Variants in ERMARD observed in about 807,000 individuals in gnomAD.
The protein encoded by ERMARD is endoplasmic reticulum membrane-associated RNA degradation protein.
Under a neutral mutation model 83.9 loss-of-function variants are expected in ERMARD, and 71 were observed. The observed-to-expected ratio is 0.85, with a 90% CI of 0.70 to 1.03. ERMARD has a LOEUF of 1.03. Among genes scored for constraint, ERMARD ranks in the 50% least tolerant of loss-of-function variants. The probability of loss-of-function intolerance (pLI) is 0.00; values close to 1 mark genes in which losing one functional copy is unlikely to be tolerated. For synonymous variants in ERMARD, 284 were observed against 298.6 expected (o/e 0.95, Z 0.50); for missense variants, 838 against 810.9 (o/e 1.03, Z -0.41).
At chr6:169,753,093 A>G (rs974591718) in intron 1 of ERMARD, 2 of 152,408 alleles carry the variant, frequency 1.3e-5, no homozygotes, top group African/African-American at 4.8e-5. Flanking sequence ...TAGGCTTCAA[A>G]GGGCAGGAAA....
chr6:169,775,464 C>T, intron 14 of ERMARD, 118 bp downstream of exon 14: 2 of 1,142,306 alleles, frequency 1.8e-6, no homozygotes, highest in Non-Finnish European at 2.5e-6. Flanking sequence ...AATTTCTGGG[C>T]CTTGGTGGCT....
At chr6:169,764,081 C>T (rs184321689) in intron 9 of ERMARD, among the ~76,000 whole-genome samples, 90 of 152,334 alleles carry the variant, frequency 5.9e-4, no homozygotes, top group African/African-American at 1.9e-3. Flanking sequence ...CAACACCTCC[C>T]GTGTCCACTC....
In ERMARD at chr6:169,779,298, AAGTGTGTCAC is replaced by A. The variant is rs773052031; in HGVS notation, c.1853+7_1853+16del. 1 of 1,613,070 alleles carries A rather than the reference AAGTGTGTCAC, an allele frequency of 6.2e-7. No individual in the cohort carries two copies. Among genetic ancestry groups the A allele is most frequent in the Admixed American group, 1.7e-5 (1 of 60,028 alleles). On this transcript the variant is annotated splice_donor_5th_base_variant and intron_variant, in intron 17 of 17. Coordinates refer to ENST00000366773, the MANE Select transcript of ERMARD (RefSeq NM_018341.3). ...CATGAGTATCAGCAGTACCTAAAGT[AAGTGTGTCAC>A]AGTATGTCTGCAGTCACATTGCATC...
In ERMARD at chr6:169,768,125, A is replaced by G. The variant is rs1364697197; in HGVS notation, c.1013A>G (p.Asp338Gly). ...TAGATATTGGCAAAACACTTGAATG[A>G]TGGTAAAATCAATCAGCTTCCTCTT... ...FDQILAKHLN[D>G]GKINQLPLFL... is the part of the protein sequence containing the mutation. Residue 338 changes from aspartate (D) to glycine (G), a missense_variant, in exon 11 of 18, where the codon GAT becomes GGT. Coordinates refer to ENST00000366773, the MANE Select transcript of ERMARD (RefSeq NM_018341.3). 1.9e-6 allele frequency: 3 copies of G among 1,613,996 alleles called. No homozygotes were observed. The highest frequency in any genetic ancestry group is 2.5e-6 in the Non-Finnish European group (3 of 1,179,970).
chr6:169,756,549 C>A, intron 4 of ERMARD, 110 bp downstream of exon 4: 2 of 1,001,756 alleles, frequency 2.0e-6, no homozygotes, highest in South Asian at 3.3e-5. Flanking sequence ...AAGATAAAAT[C>A]ATTTAGTATG....
In ERMARD at chr6:169,779,266, G is replaced by A. The variant is rs1793938268; in HGVS notation, c.1824G>A (p.Lys608=). Residue 608 remains lysine (K), a synonymous_variant, in exon 17 of 18, where the codon AAG becomes AAA. Coordinates refer to ENST00000366773, the MANE Select transcript of ERMARD (RefSeq NM_018341.3). ...ELVNIHAVCG[K]NAHEYQQYLK... is the part of the protein sequence containing the mutation. ...TCAACATTCATGCTGTTTGTGGGAA[G>A]AATGCGCATGAGTATCAGCAGTACC... 1 of 1,614,118 alleles carries A rather than the reference G, an allele frequency of 6.2e-7. No homozygotes were observed. The highest frequency in any genetic ancestry group is 1.7e-5 in the Admixed American group (1 of 60,006).
chr6:169,756,058 A>G (rs766202761), intron 3 of ERMARD, among the ~76,000 whole-genome samples: 1 of 152,226 alleles, frequency 6.6e-6, no homozygotes, highest in Non-Finnish European at 1.5e-5. Context: ...AAGGAGAAAC[A>G]TGATGGAGGT....
At chr6:169,762,680 A>C (rs1437737758) in intron 9 of ERMARD, 149 bp downstream of exon 9, 2 of 626,764 alleles carry the variant, frequency 3.2e-6, no homozygotes, top group Non-Finnish European at 5.5e-6. Context: ...TCATTTCTAT[A>C]GGATTTATAT....
intron 17 of ERMARD, among the ~76,000 whole-genome samples, chr6:169,780,802 C>T (rs1327614836): frequency 6.6e-6 from 1 of 152,206 alleles, no homozygotes; most frequent in Non-Finnish European, 1.5e-5. Flanking sequence ...GGCTCTGCGT[C>T]TCTTGCAAAC....
rs753468195 is a variant in ERMARD at position 169,753,884 on chromosome 6, T to C, written c.27T>C (p.Ile9=). 6 of 1,597,816 alleles carry C rather than the reference T, an allele frequency of 3.8e-6. No individual in the cohort carries two copies. The Admixed American group carries it at 1.0e-4, about 28-fold the overall frequency. The change falls in exon 2 of 18, where the codon ATT becomes ATC. Residue 9 remains isoleucine (I), a synonymous_variant. Coordinates refer to ENST00000366773, the MANE Select transcript of ERMARD (RefSeq NM_018341.3). MEVLIGDP[I]TTCLSPSVYD... ...TTTAGGTATTAATAGGGGACCCTAT[T>C]ACCACATGTCTTTCTCCCTCAGTGT...
intron 10 of ERMARD, 22 bp from the exon 11 acceptor site, chr6:169,768,081 G>A: frequency 6.3e-7 from 1 of 1,592,506 alleles, no homozygotes; most frequent in Non-Finnish European, 8.6e-7. Flanking sequence ...GTTAACCAAT[G>A]TATTTATTTT....
At chr6:169,760,219 T>G (rs1404893242) in intron 7 of ERMARD, among the ~76,000 whole-genome samples, 1 of 152,194 alleles carries the variant, frequency 6.6e-6, no homozygotes, top group Non-Finnish European at 1.5e-5. Context: ...GAGCTCTTTC[T>G]TCCTCAGATG....
intron 5 of ERMARD, among the ~76,000 whole-genome samples, chr6:169,758,008 A>G (rs1585351177): frequency 6.6e-6 from 1 of 152,370 alleles, no homozygotes; most frequent in East Asian, 1.9e-4. Context: ...AGTGTGAACC[A>G]TGAGTATTTC....
At chr6:169,752,997 T>C (rs1032443028) in intron 1 of ERMARD, 1 of 152,314 alleles carries the variant, frequency 6.6e-6, no homozygotes. Flanking sequence ...TAACTTGAAA[T>C]GGTGGCTTAG....
rs534679190 is a variant in ERMARD, at chr6:169,751,811, G to C, written c.6+148G>C. On this transcript the variant is annotated intron_variant, in intron 1 of 17. Transcript: ENST00000366773. ...CGCTGGAGGGCGCTGGCGACGTCGC[G>C]GCCCTGGCCTCTGTGGCGGTATCGG... The C allele has an allele frequency of 3.4e-6, 4 of 1,193,890 alleles. No homozygotes were observed. In the African/African-American group the frequency reaches 4.9e-5, roughly 15 times the overall value. 74.0% of individuals were successfully genotyped at this position (1,193,890 alleles called of 1,614,324 possible). A position where few individuals can be genotyped will look rare whatever the true frequency, so the allele number is the denominator to read the frequency against.
chr6:169,779,213 A>G lies in ERMARD; in HGVS notation c.1771A>G (p.Ile591Val). Residue 591 changes from isoleucine to valine, a missense_variant, in exon 17 of 18, where the codon ATA (isoleucine) becomes GTA (valine). By Grantham distance (29) the Ile-to-Val change is conservative. Transcript: ENST00000366773. ...IRLLSPVLSLILLLIALELVN... is the reference protein window; with the variant it reads ...IRLLSPVLSLVLLLIALELVN... ...ACTACTGTCCCCTGTGCTCAGCCTGATACTGTTACTCATTGCGCTGGAGTT... is the reference window on the plus strand; with the variant it reads ...ACTACTGTCCCCTGTGCTCAGCCTGGTACTGTTACTCATTGCGCTGGAGTT... The G allele has an allele frequency of 6.2e-7, 1 of 1,614,250 alleles. No homozygotes were observed. Among genetic ancestry groups the G allele is most frequent in the Non-Finnish European group, 8.5e-7 (1 of 1,180,048 alleles).
At chr6:169,779,087 T>C (rs1174253468) in intron 16 of ERMARD, 95 bp from the exon 17 acceptor site, 7 of 1,067,402 alleles carry the variant, frequency 6.6e-6, no homozygotes, top group Non-Finnish European at 1.0e-5. Context: ...AAGTTGGGAC[T>C]TAAGGATGTT....
intron 16 of ERMARD, among the ~76,000 whole-genome samples, chr6:169,777,722 T>G (rs1218497625): frequency 3.3e-5 from 5 of 152,018 alleles, no homozygotes; most frequent in African/African-American, 1.2e-4. Context: ...GTCCAGGTGG[T>G]GGTTAAATGA....
chr6:169,751,370 T>C, upstream of ERMARD: 1 of 1,614,090 alleles, frequency 6.2e-7, no homozygotes, highest in South Asian at 1.1e-5. Context: ...AGGCCTCCTT[T>C]CTTTCCTAGG....
Sources: gnomAD v4.1 joint callset for allele counts (sites outside exome capture counted in the v4.1 genomes callset) on GRCh38, gnomAD v4.1.1 for gene constraint, MANE v1.5 for transcripts, NCBI Gene and HGNC (gene_info 2026-07-23, HGNC 2026-07-21) for gene names.